CHLSN: variants seen among roughly 807,000 people sequenced by gnomAD.
The protein encoded by CHLSN is protein cholesin.
chr7:987,659 T>TA, the CHLSN span: 3 of 944,846 alleles, frequency 3.2e-6, no homozygotes, highest in South Asian at 5.5e-5. Flanking sequence ...CCGGAGGCAA[T>TA]AAAGGGCGTC....
chr7:1,035,765 G>T, the CHLSN span, among the ~76,000 whole-genome samples: 1 of 152,196 alleles, frequency 6.6e-6, no homozygotes, highest in Non-Finnish European at 1.5e-5. Context: ...CCTGCCACAG[G>T]ATTCAGCAAA....
At chr7:1,015,695 A>T in the CHLSN span, among the ~76,000 whole-genome samples, 2 of 152,190 alleles carry the variant, frequency 1.3e-5, no homozygotes, top group Non-Finnish European at 2.9e-5. Flanking sequence ...GGACTAACCC[A>T]GAGGGCCAGA....
chr7:1,090,463 A>C, the CHLSN span, among the ~76,000 whole-genome samples: 1 of 149,506 alleles, frequency 6.7e-6, no homozygotes, highest in African/African-American at 2.5e-5. Context: ...CAGCAGGGCC[A>C]GGGTGACACG....
the CHLSN span, among the ~76,000 whole-genome samples, chr7:1,132,153 C>A: frequency 1.3e-5 from 2 of 152,180 alleles, no homozygotes; most frequent in Non-Finnish European, 2.9e-5. Flanking sequence ...TAGGCAATGG[C>A]CTCTTACATA....
the CHLSN span, among the ~76,000 whole-genome samples, chr7:1,104,602 G>A: frequency 4.6e-5 from 7 of 152,340 alleles, no homozygotes; most frequent in East Asian, 1.9e-4. Flanking sequence ...AGGCCACCCC[G>A]TGCCACTCAG....
At chr7:988,306 G>A in the CHLSN span, 20 of 1,604,894 alleles carry the variant, frequency 1.2e-5, no homozygotes, top group Non-Finnish European at 1.4e-5. Flanking sequence ...TGCTGACCTC[G>A]GTGCTCCTGG....
chr7:1,053,193 G>T, the CHLSN span, among the ~76,000 whole-genome samples: 1 of 152,250 alleles, frequency 6.6e-6, no homozygotes, highest in South Asian at 2.1e-4. Context: ...GGACAGGCAA[G>T]GAGTCGAAGG....
At chr7:1,132,627 G>A in the CHLSN span, among the ~76,000 whole-genome samples, 20 of 149,598 alleles carry the variant, frequency 1.3e-4, no homozygotes, top group South Asian at 8.5e-4. Context: ...TCTGGAAGTC[G>A]AGGTTGTAAT....
the CHLSN span, among the ~76,000 whole-genome samples, chr7:998,457 C>CTTTT: frequency 3.0e-3 from 284 of 95,016 alleles, 6 homozygotes; most frequent in Non-Finnish European, 3.8e-3. Context: ...GTCTTAGATT[C>CTTTT]TTTTTTTTTT....
the CHLSN span, chr7:983,088 C>A: frequency 1.2e-6 from 1 of 853,486 alleles, no homozygotes; most frequent in Non-Finnish European, 1.6e-6. Flanking sequence ...CTGCAAACTG[C>A]TCGTTCCACA....
At chr7:1,007,042 C>A in the CHLSN span, among the ~76,000 whole-genome samples, 2 of 152,314 alleles carry the variant, frequency 1.3e-5, no homozygotes, top group South Asian at 2.1e-4. Flanking sequence ...GAAGACCCCA[C>A]GGGCGCTGGG....
At chr7:988,888 C>G in the CHLSN span, 2 of 1,003,426 alleles carry the variant, frequency 2.0e-6, no homozygotes. Context: ...CCCACCCTCT[C>G]TCCTCCCACC....
chr7:1,014,731 A>G, the CHLSN span, among the ~76,000 whole-genome samples: 2 of 152,248 alleles, frequency 1.3e-5, no homozygotes, highest in African/African-American at 4.8e-5. Context: ...TTCCTAAGTG[A>G]TGACTGTGAA....
At chr7:1,119,125 A>T in the CHLSN span, among the ~76,000 whole-genome samples, 1 of 152,134 alleles carries the variant, frequency 6.6e-6, no homozygotes, top group Non-Finnish European at 1.5e-5. Flanking sequence ...GGTGGCACAC[A>T]CCTGTTAATA....
chr7:1,006,059 T>C, the CHLSN span, among the ~76,000 whole-genome samples: 1 of 152,218 alleles, frequency 6.6e-6, no homozygotes, highest in African/African-American at 2.4e-5. Flanking sequence ...AATAAACTCT[T>C]TTTTCTCTTT....
the CHLSN span, among the ~76,000 whole-genome samples, chr7:979,982 T>G: frequency 6.6e-6 from 1 of 152,192 alleles, no homozygotes; most frequent in Non-Finnish European, 1.5e-5. Flanking sequence ...GAAACTCCAC[T>G]GGTGGAATGA....
chr7:1,021,939 G>T, the CHLSN span, among the ~76,000 whole-genome samples: 16 of 152,146 alleles, frequency 1.1e-4, no homozygotes, highest in Non-Finnish European at 5.9e-5. Flanking sequence ...CCTCGGCCTG[G>T]GTCACAAGGT....
the CHLSN span, chr7:1,056,292 TGCTGTGGCAGC>T: frequency 3.6e-4 from 55 of 152,858 alleles, no homozygotes; most frequent in Admixed American, 3.5e-3. Flanking sequence ...GACCTGGGGG[TGCTGTGGCAGC>T]GCTGTGGCGG....
At chr7:1,034,031 C>T in the CHLSN span, among the ~76,000 whole-genome samples, 1 of 152,202 alleles carries the variant, frequency 6.6e-6, no homozygotes, top group Non-Finnish European at 1.5e-5. Flanking sequence ...GCGGCATGAC[C>T]GTTGATGCAG....
Sources: allele counts gnomAD v4.1 joint callset (sites outside exome capture counted in the v4.1 genomes callset), GRCh38; gene constraint gnomAD v4.1.1; transcripts MANE v1.5; gene names NCBI Gene and HGNC (gene_info 2026-07-23, HGNC 2026-07-21).